The following SREK1 variants were observed in gnomAD, a reference collection of about 807,000 sequenced individuals.
SREK1 encodes the protein splicing regulatory glutamic acid and lysine rich protein 1, also known as splicing regulatory glutamine/lysine-rich protein 1.
In SREK1, 13 loss-of-function variants were observed where a neutral mutation model predicts 66.5. The ratio of observed to expected loss-of-function variants is 0.20; its 90% confidence interval spans 0.13 to 0.31. The LOEUF (loss-of-function observed/expected upper bound fraction) is 0.31, where lower values mean the gene tolerates loss of function less well. SREK1 is among the 10% of genes least tolerant of loss of function. SREK1 has a pLI of 1.00. For missense variants in SREK1, 607 were observed against 769.6 expected, an observed-to-expected ratio of 0.79 and a Z score of 2.50; for synonymous variants, 265 against 263.5, an observed-to-expected ratio of 1.01 and a Z score of -0.05.
At chr5:66,153,655 T>C in intron 2 of SREK1, 59 bp downstream of exon 2, 1 of 1,607,140 alleles carries the variant, frequency 6.2e-7, no homozygotes, top group Non-Finnish European at 8.5e-7. Context: ...TTATTGCCTT[T>C]AGCTTTCCTA....
In SREK1 at chr5:66,170,637, G is replaced by C. The variant is rs1745555061; in HGVS notation, c.1174G>C (p.Glu392Gln). The change falls in exon 9 of 12, where the codon GAG (glutamate) becomes CAG (glutamine). Residue 392 changes from glutamate to glutamine, a missense_variant. Transcript: ENST00000334121. The stretch of plus-strand genomic sequence containing the variant: ...GATCAAGGAAAAGGAAAGAGTGAAA[G>C]AGAAAGACAGGGAAAAGGAGAGAGA... ...EKIKEKERVKEKDREKERERE... is the reference protein window; with the variant it reads ...EKIKEKERVKQKDREKERERE... 1 of 1,612,748 alleles carries C rather than the reference G, an allele frequency of 6.2e-7. No individual in the cohort carries two copies. Among genetic ancestry groups the C allele is most frequent in the South Asian group, 1.1e-5 (1 of 90,720 alleles).
In SREK1 at chr5:66,177,627, A is replaced by G. The variant is rs1048818487; in HGVS notation, c.1694A>G (p.Glu565Gly). ...AGTTCTAATGATAGAGATGGGAAGGAGAAGTTGGAGAAGAACAGTACTTCA... is the reference window on the plus strand; with the variant it reads ...AGTTCTAATGATAGAGATGGGAAGGGGAAGTTGGAGAAGAACAGTACTTCA... ...RKSSNDRDGK[E>G]KLEKNSTSLK... Residue 565 changes from glutamate (E) to glycine (G), a missense_variant, in exon 11 of 12, where the codon GAG becomes GGG. Glu to Gly is a moderately conservative substitution (Grantham distance 98). Around this residue, in one of 5 missense-constraint regions of SREK1, gnomAD observed 318 missense variants for 310.3 expected, o/e 1.02. Coordinates refer to ENST00000334121, the MANE Select transcript of SREK1 (RefSeq NM_001077199.3). 6.2e-7 allele frequency: 1 copy of G among 1,606,322 alleles called. No homozygotes were observed. The highest frequency in any genetic ancestry group is 1.1e-5 in the South Asian group (1 of 89,412).
intron 5 of SREK1, 167 bp downstream of exon 5, chr5:66,162,759 T>G (rs1224550004): frequency 1.8e-6 from 1 of 566,944 alleles, no homozygotes; most frequent in Admixed American, 3.6e-5. Flanking sequence ...ATTTTAGTCT[T>G]TAAATTCCTT....
At chr5:66,158,077 C>G (rs1304615612) in intron 2 of SREK1, 7 of 148,728 alleles carry the variant, frequency 4.7e-5, no homozygotes, top group Non-Finnish European at 1.0e-4. Flanking sequence ...GAGTGTTCTT[C>G]TAAATATATC....
In SREK1 at chr5:66,164,846, G is replaced by A. The variant is rs1745042725; in HGVS notation, c.950G>A (p.Arg317Lys). The A allele has an allele frequency of 1.2e-6, 2 of 1,613,958 alleles. No individual in the cohort carries two copies. Among genetic ancestry groups the A allele is most frequent in the South Asian group, 1.1e-5 (1 of 91,056 alleles). Residue 317 changes from arginine (R) to lysine (K), a missense_variant, in exon 7 of 12, where the codon AGG (arginine) becomes AAG (lysine). Arg to Lys is a conservative substitution (Grantham distance 26, BLOSUM62 2). This residue lies in a region of SREK1 where 112 missense variants were observed against 168.6 expected (regional missense o/e 0.66). Coordinates refer to ENST00000334121, the MANE Select transcript of SREK1 (RefSeq NM_001077199.3). ...RSRSHTRSKS[R>K]SSSKSHSRRK... ...CGTTCCCATACTCGCTCAAAATCCA[G>A]GTCTAGCTCAAAATCCCATTCTAGA...
chr5:66,157,751 T>C, intron 2 of SREK1: 1 of 907,886 alleles, frequency 1.1e-6, no homozygotes, highest in African/African-American at 1.8e-5. Flanking sequence ...TAAAGTAATA[T>C]AAACTTAGAT....
intron 7 of SREK1, chr5:66,168,349 C>G: frequency 6.6e-6 from 1 of 151,968 alleles, no homozygotes. Flanking sequence ...TACCACAAAA[C>G]ATGGTCTTTT....
At chr5:66,174,641 C>T (rs1580676108) in intron 9 of SREK1, 2 of 199,012 alleles carry the variant, frequency 1.0e-5, no homozygotes, top group African/African-American at 2.3e-5. Context: ...AGAAACGCCA[C>T]GCCATTAATA....
intron 2 of SREK1, chr5:66,157,538 G>A (rs1744391046): frequency 2.0e-6 from 2 of 981,734 alleles, no homozygotes; most frequent in Non-Finnish European, 2.4e-6. Flanking sequence ...GATAAAACAG[G>A]TGAAATCAAT....
At chr5:66,149,920 G>T (rs1048452992) in intron 1 of SREK1, among the ~76,000 whole-genome samples, 1 of 152,224 alleles carries the variant, frequency 6.6e-6, no homozygotes, top group African/African-American at 2.4e-5. Flanking sequence ...GGAACCAGAA[G>T]GGTATCAGCA....
chr5:66,177,564 AAAG>A lies in SREK1; in HGVS notation c.1636_1638del (p.Arg546del). The A allele has an allele frequency of 6.2e-7, 1 of 1,610,250 alleles. No individual in the cohort carries two copies. Among genetic ancestry groups the A allele is most frequent in the Non-Finnish European group, 8.5e-7 (1 of 1,177,752 alleles). On this transcript the variant is annotated inframe_deletion, in exon 11 of 12. Transcript: ENST00000334121. ...GAAAAAGAAAGGGACCACATCAGTGAAAGAAGAGAGAGAGAACGTTCAACGTCT... is the reference window on the plus strand; with the variant it reads ...GAAAAAGAAAGGGACCACATCAGTGAAAGAGAGAGAGAACGTTCAACGTCT...
chr5:66,162,140 T>C lies in SREK1; in HGVS notation c.443T>C (p.Ile148Thr), dbSNP rs2112024852. Residue 148 changes from isoleucine to threonine, a missense_variant, in exon 4 of 12, where the codon ATA (isoleucine) becomes ACA (threonine). Around this residue, in one of 5 missense-constraint regions of SREK1, gnomAD observed 99 missense variants for 186.6 expected, o/e 0.53. Coordinates refer to ENST00000334121, the MANE Select transcript of SREK1 (RefSeq NM_001077199.3). ...LGVSLSSLGAIPAAALDPNIA... is the reference protein window; with the variant it reads ...LGVSLSSLGATPAAALDPNIA... Reference sequence around the variant, plus strand: ...GTTTCACTTAGCAGTTTGGGAGCTATACCAGCAGCAGCACTAGACCCCAAC... The same window carrying C: ...GTTTCACTTAGCAGTTTGGGAGCTACACCAGCAGCAGCACTAGACCCCAAC... 1 of 1,613,850 alleles carries C rather than the reference T, an allele frequency of 6.2e-7. No individual in the cohort carries two copies. The highest frequency in any genetic ancestry group is 8.5e-7 in the Non-Finnish European group (1 of 1,179,882).
chr5:66,155,961 C>T, intron 2 of SREK1: 1 of 1,485,994 alleles, frequency 6.7e-7, no homozygotes, highest in Non-Finnish European at 9.0e-7. Context: ...GGGTGTCAGC[C>T]TAATCATCAG....
chr5:66,171,812 A>G (rs950628764), intron 9 of SREK1, among the ~76,000 whole-genome samples: 2 of 152,204 alleles, frequency 1.3e-5, no homozygotes, highest in African/African-American at 2.4e-5. Flanking sequence ...TTTATTGTGC[A>G]CTTTACTGTA....
chr5:66,166,668 C>CA (rs1260431180), intron 7 of SREK1: 1 of 152,028 alleles, frequency 6.6e-6, no homozygotes, highest in African/African-American at 2.4e-5. Flanking sequence ...GGGGTTTTAT[C>CA]ATACTGCCCA....
At chr5:66,151,674 G>A (rs1036739342) in intron 1 of SREK1, among the ~76,000 whole-genome samples, 1 of 152,082 alleles carries the variant, frequency 6.6e-6, no homozygotes, top group African/African-American at 2.4e-5. Context: ...AAGGTGGTGA[G>A]TTAAGTCTGG....
intron 10 of SREK1, 149 bp downstream of exon 10, chr5:66,175,190 T>C (rs1745960578): frequency 1.4e-6 from 1 of 697,012 alleles, no homozygotes; most frequent in African/African-American, 1.8e-5. Flanking sequence ...AAGTTATGTA[T>C]CAGGAAGTCT....
chr5:66,163,958 A>C (rs763220438), intron 6 of SREK1, 36 bp downstream of exon 6: 1 of 1,599,382 alleles, frequency 6.3e-7, no homozygotes, highest in Admixed American at 1.7e-5. Context: ...GTCATAGTTT[A>C]AAGATCATAG....
At chr5:66,161,329 CT>C (rs1026861111) in intron 3 of SREK1, among the ~76,000 whole-genome samples, 1 of 152,132 alleles carries the variant, frequency 6.6e-6, no homozygotes, top group Non-Finnish European at 1.5e-5. Flanking sequence ...AGTTGGAGCA[CT>C]TTTGTGGTCG....
Sources: gnomAD v4.1 joint callset for allele counts (sites outside exome capture counted in the v4.1 genomes callset) on GRCh38, gnomAD v4.1.1 for gene constraint, gnomAD v4.1.1 regional missense constraint, MANE v1.5 for transcripts, NCBI Gene and HGNC (gene_info 2026-07-23, HGNC 2026-07-21) for gene names.